Variants in CCSER1 observed in about 807,000 individuals in gnomAD.
CCSER1 encodes coiled-coil serine rich protein 1.
A neutral mutation model predicts 82.0 loss-of-function variants in CCSER1; 41 were observed. The observed-to-expected ratio is 0.50, with a 90% confidence interval of 0.39 to 0.65. CCSER1 has a LOEUF of 0.65. Among genes scored for constraint, CCSER1 ranks in the 30% least tolerant of loss-of-function variants. The pLI is 0.00. For missense variants in CCSER1, 1,119 were observed against 1,064.2 expected (o/e 1.05, Z -0.72); for synonymous variants, 414 against 383.9 (o/e 1.08, Z -0.92).
intron 2 of CCSER1, among the ~76,000 whole-genome samples, chr4:90,311,503 A>T (rs1032087231): frequency 5.3e-5 from 8 of 152,174 alleles, no homozygotes; most frequent in Admixed American, 3.9e-4. Context: ...GAAAATATTC[A>T]TGTGCTATTT....
chr4:90,781,724 A>G, intron 7 of CCSER1: 2 of 969,212 alleles, frequency 2.1e-6, no homozygotes, highest in Non-Finnish European at 2.5e-6. Context: ...CCAGTTTTAT[A>G]TAGCCATTGT....
At chr4:90,718,491 T>G (rs2149354774) in intron 6 of CCSER1, among the ~76,000 whole-genome samples, 1 of 152,284 alleles carries the variant, frequency 6.6e-6, no homozygotes, top group Non-Finnish European at 1.5e-5. Context: ...AGCACCTTAA[T>G]AGTACCCAAA....
intron 1 of CCSER1, among the ~76,000 whole-genome samples, chr4:90,200,017 C>T (rs1025708712): frequency 2.6e-5 from 4 of 151,656 alleles, no homozygotes; most frequent in Admixed American, 1.3e-4. Flanking sequence ...TCCTCGATCC[C>T]CTACCCTGGA....
At chr4:90,243,941 A>G (rs115579247) in intron 1 of CCSER1, among the ~76,000 whole-genome samples, 5,434 of 151,916 alleles carry the variant, frequency 0.036, 258 homozygotes, top group African/African-American at 0.1. Context: ...CAACGTTATG[A>G]CTTATTTATA....
chr4:91,100,696 A>G (rs1724972603), intron 10 of CCSER1, among the ~76,000 whole-genome samples: 1 of 152,220 alleles, frequency 6.6e-6, no homozygotes, highest in African/African-American at 2.4e-5. Context: ...TATTGAAGGC[A>G]GTGCTTAAGG....
In CCSER1 at chr4:90,827,518, T is replaced by C. The variant is rs1760623075; in HGVS notation, c.2094+11673T>C. On this transcript the variant is annotated intron_variant, in intron 8 of 10. Coordinates refer to ENST00000509176, the MANE Select transcript of CCSER1 (RefSeq NM_001145065.2). ...TTTAGAGGAATCACCTACAGCCACT[T>C]CTTCCAGCCTTGGAAGTGAGAATGG... Among the ~76,000 whole-genome samples, 3 of 152,190 alleles carry C rather than the reference T, an allele frequency of 2.0e-5. No individual in the cohort carries two copies. The South Asian group carries it at 6.2e-4, about 32-fold the overall frequency.
At chr4:90,781,230 A>G in intron 7 of CCSER1, 6 of 981,104 alleles carry the variant, frequency 6.1e-6, no homozygotes, top group Non-Finnish European at 7.3e-6. Context: ...TCCAAACTAT[A>G]TCACTCAGAA....
chr4:90,161,121 G>A (rs1194995923), intron 1 of CCSER1, among the ~76,000 whole-genome samples: 1 of 152,118 alleles, frequency 6.6e-6, no homozygotes, highest in African/African-American at 2.4e-5. Context: ...GGAGACAGGT[G>A]GACTTACTGT....
intron 7 of CCSER1, among the ~76,000 whole-genome samples, chr4:90,742,866 T>C (rs932829666): frequency 2.6e-5 from 4 of 152,200 alleles, no homozygotes; most frequent in African/African-American, 9.6e-5. Context: ...ACTGTTTTTA[T>C]TGTACCATGT....
intron 10 of CCSER1, among the ~76,000 whole-genome samples, chr4:91,167,185 CTTTTTT>C (rs55920118): frequency 3.3e-5 from 4 of 121,494 alleles, no homozygotes; most frequent in African/African-American, 1.2e-4. Context: ...AATTGCAATA[CTTTTTT>C]TTTTTTTTTT....
At chr4:90,819,106 G>A (rs1413749991) in intron 8 of CCSER1, among the ~76,000 whole-genome samples, 1 of 152,078 alleles carries the variant, frequency 6.6e-6, no homozygotes, top group Non-Finnish European at 1.5e-5. Flanking sequence ...CTTGCAGATG[G>A]CCATCTTTTC....
At chr4:90,930,595 A>G (rs1729619992) in intron 9 of CCSER1, among the ~76,000 whole-genome samples, 1 of 151,918 alleles carries the variant, frequency 6.6e-6, no homozygotes, top group Non-Finnish European at 1.5e-5. Context: ...CCTGGGAGAC[A>G]GAGAGAGACT....
At position 90,142,488 on chromosome 4, in the gene CCSER1, G is replaced by A. The variant is rs1046792871; in HGVS notation, c.-42+14657G>A. On this transcript the variant is annotated intron_variant, in intron 1 of 10. Coordinates refer to ENST00000509176, the MANE Select transcript of CCSER1 (RefSeq NM_001145065.2). ...AATAGGGGAATTGTGTTAGTAAAAT[G>A]TGGAAGTTCTTTCATGTGTGTTTTT... Among the ~76,000 whole-genome samples the A allele has an allele frequency of 5.9e-5, 9 of 152,316 alleles. No homozygotes were observed. In the South Asian group the frequency reaches 1.9e-3, roughly 32 times the overall value.
At chr4:91,007,288 G>C (rs28751022) in intron 9 of CCSER1, among the ~76,000 whole-genome samples, 8,520 of 152,216 alleles carry the variant, frequency 0.056, 267 homozygotes, top group Middle Eastern at 0.092. Flanking sequence ...TGGAATCAAA[G>C]TAATTCAAAC....
At position 91,291,656 on chromosome 4, in the gene CCSER1, C is replaced by A. The variant is rs547424229; in HGVS notation, c.2217+205662C>A. Among the ~76,000 whole-genome samples, 5 of 152,072 alleles carry A rather than the reference C, an allele frequency of 3.3e-5. 1 individual carries two copies. In the South Asian group the frequency reaches 1.0e-3, roughly 32 times the overall value. On this transcript the variant is annotated intron_variant, in intron 10 of 10. Coordinates refer to ENST00000509176, the MANE Select transcript of CCSER1 (RefSeq NM_001145065.2). ...TCGCTTGCTATCACGAGAACAGCAC[C>A]AAGGGGACGGTGCTAAACCATTCAC...
intron 4 of CCSER1, among the ~76,000 whole-genome samples, chr4:90,413,236 C>G (rs1755170742): frequency 6.6e-6 from 1 of 152,116 alleles, no homozygotes; most frequent in Admixed American, 6.5e-5. Flanking sequence ...AGGAATATAC[C>G]TAACCAAGGA....
chr4:90,434,556 T>C (rs942611745), intron 4 of CCSER1, among the ~76,000 whole-genome samples: 1 of 152,116 alleles, frequency 6.6e-6, no homozygotes, highest in Non-Finnish European at 1.5e-5. Flanking sequence ...AGAAGCAGTT[T>C]GTTGAGCTGA....
At chr4:91,475,980 T>C (rs1313114217) in intron 10 of CCSER1, among the ~76,000 whole-genome samples, 1 of 151,894 alleles carries the variant, frequency 6.6e-6, no homozygotes, top group Non-Finnish European at 1.5e-5. Context: ...GATTTCATTC[T>C]TTTTTATGAT....
At chr4:91,168,528 A>T in intron 10 of CCSER1, among the ~76,000 whole-genome samples, 1 of 144,888 alleles carries the variant, frequency 6.9e-6, no homozygotes, top group East Asian at 2.1e-4. Context: ...CCCATCTGGG[A>T]GGTGAGGAGT....
Sources: gnomAD v4.1 joint callset for allele counts (sites outside exome capture counted in the v4.1 genomes callset) on GRCh38, gnomAD v4.1.1 for gene constraint, MANE v1.5 for transcripts, NCBI Gene and HGNC (gene_info 2026-07-23, HGNC 2026-07-21) for gene names.